Variants in CELSR1 observed in about 807,000 individuals in gnomAD.
The protein encoded by CELSR1 is adhesion G protein-coupled receptor C1.
Under a neutral mutation model 249.1 loss-of-function variants are expected in CELSR1, and 110 were observed. The ratio of observed to expected loss-of-function variants is 0.44; its 90% CI spans 0.38 to 0.52. CELSR1 has a LOEUF of 0.52. Among genes scored for constraint, CELSR1 ranks in the 20% least tolerant of loss-of-function variants. CELSR1 has a pLI of 0.00. For missense variants in CELSR1, 4,109 were observed against 4,296.4 expected (o/e 0.96, Z 1.22); for synonymous variants, 2,113 against 1,900.0 (o/e 1.11, Z -2.92).
At chr22:46,369,953 GC>G (rs1460678153) in intron 25 of CELSR1, 149 bp from the exon 26 acceptor site, 11 of 701,306 alleles carry the variant, frequency 1.6e-5, no homozygotes, top group Non-Finnish European at 2.3e-5. Context: ...CCAGCCCAGG[GC>G]CCCTCCAAGC....
chr22:46,492,865 C>A (rs184877615), intron 1 of CELSR1, among the ~76,000 whole-genome samples: 16 of 151,918 alleles, frequency 1.1e-4, no homozygotes, highest in East Asian at 3.9e-4. Flanking sequence ...CAGAAAAAAA[C>A]CAGGTTCTTG....
In CELSR1 at chr22:46,391,821, A is replaced by G; in HGVS notation, c.5965-5T>C. Reference sequence around the variant, plus strand: ...TAGGAGCTTGTAGTAATTCTCCTGCAAAAGCCAGAGGCAGGGCCTGTGACT... The same window carrying G: ...TAGGAGCTTGTAGTAATTCTCCTGCGAAAGCCAGAGGCAGGGCCTGTGACT... On this transcript the variant is annotated splice_region_variant and splice_polypyrimidine_tract_variant and intron_variant, in intron 14 of 34. Transcript: ENST00000674500. The surrounding 1 kb of genome is among the most constrained non-coding windows in gnomAD (Gnocchi z 4.3). The G allele has an allele frequency of 1.2e-6, 2 of 1,608,350 alleles. No individual in the cohort carries two copies. The highest frequency in any genetic ancestry group is 1.7e-6 in the Non-Finnish European group (2 of 1,178,640).
At chr22:46,459,445 T>A (rs1317938452) in intron 2 of CELSR1, among the ~76,000 whole-genome samples, 1 of 152,124 alleles carries the variant, frequency 6.6e-6, no homozygotes, top group African/African-American at 2.4e-5. Context: ...TTTCACAAAA[T>A]GCTGTTAAAC....
chr22:46,528,928 C>CAAAAT (rs139450136), intron 1 of CELSR1, among the ~76,000 whole-genome samples: 206 of 138,060 alleles, frequency 1.5e-3, no homozygotes, highest in East Asian at 5.2e-3. Flanking sequence ...GACTCTGTCT[C>CAAAAT]AAAATAAAAT....
intron 1 of CELSR1, among the ~76,000 whole-genome samples, chr22:46,524,639 C>T (rs575550750): frequency 1.3e-4 from 20 of 152,012 alleles, no homozygotes; most frequent in African/African-American, 4.3e-4. Context: ...AGAGAACAGG[C>T]GCTAGAGGGA....
chr22:46,364,770 G>A, intron 32 of CELSR1, 34 bp from the exon 33 acceptor site: 2 of 1,584,566 alleles, frequency 1.3e-6, no homozygotes, highest in South Asian at 1.1e-5. Context: ...GCAGGCAGCG[G>A]CACTGCCACT....
At chr22:46,470,527 A>C (rs922435267) in intron 1 of CELSR1, among the ~76,000 whole-genome samples, 4 of 152,088 alleles carry the variant, frequency 2.6e-5, no homozygotes, top group African/African-American at 9.7e-5. Flanking sequence ...AGAAAATAGC[A>C]TTAAATATTA....
At position 46,369,716 on chromosome 22, in the gene CELSR1, C is replaced by A; in HGVS notation, c.7848G>T (p.Ala2616=). 6.2e-7 allele frequency: 1 copy of A among 1,613,530 alleles called. No individual in the cohort carries two copies. Among genetic ancestry groups the A allele is most frequent in the South Asian group, 1.1e-5 (1 of 91,082 alleles). ...SLQDTLIWSF[A]GPIGAVIIIN... ...CGATTATAACAGCTCCGATGGGCCC[C>A]GCAAAGCTCCAAATCAGGGTGTCTT... Residue 2616 remains alanine (A), a synonymous_variant, in exon 26 of 35, where the codon GCG becomes GCT. Transcript: ENST00000674500.
rs894926087 is a variant in CELSR1, at chr22:46,434,209, T to C, written c.4523-728A>G. 3.9e-5 allele frequency among the ~76,000 whole-genome samples: 6 copies of C among 152,208 alleles called. No individual in the cohort carries two copies. Among genetic ancestry groups the C allele is most frequent in the African/African-American group, 1.2e-4 (5 of 41,440 alleles). ...CCACGTAACACGTCCCATCGTGAGG[T>C]CGCGGACGCGTCTCTTGTGCATCTC... is the stretch of plus-strand genomic sequence containing the variant. On this transcript the variant is annotated intron_variant, in intron 4 of 34. Coordinates refer to ENST00000674500, the MANE Select transcript of CELSR1 (RefSeq NM_001378328.1). The surrounding 1 kb of genome is among the most constrained non-coding windows in gnomAD (Gnocchi z 4.9).
chr22:46,413,869 C>A lies in CELSR1; in HGVS notation c.4612-2110G>T, dbSNP rs1013597470. Among the ~76,000 whole-genome samples the A allele has an allele frequency of 6.6e-6, 1 of 152,190 alleles. No individual in the cohort carries two copies. Among genetic ancestry groups the A allele is most frequent in the East Asian group, 1.9e-4 (1 of 5,198 alleles). ...GGAGAACCTCCCCTCACTTTGTGAG[C>A]CCCACCTTATCTTTACAACTTATAA... On this transcript the variant is annotated intron_variant, in intron 5 of 34. Transcript: ENST00000674500. The surrounding 1 kb of genome is among the most constrained non-coding windows in gnomAD (Gnocchi z 4.7).
chr22:46,406,915 A>G lies in CELSR1; in HGVS notation c.5226+2081T>C, dbSNP rs1343811831. On this transcript the variant is annotated intron_variant, in intron 9 of 34. Coordinates refer to ENST00000674500, the MANE Select transcript of CELSR1 (RefSeq NM_001378328.1). This position sits in a 1 kb window ranked among gnomAD's most constrained non-coding sequence, Gnocchi z 5.4. ...CAGAGCCCAACGGAGCAAAGGCAAT[A>G]AGGCATGGCTCCGCCACGGCACACA... 6.6e-6 allele frequency among the ~76,000 whole-genome samples: 1 copy of G among 152,226 alleles called. No individual in the cohort carries two copies. Among genetic ancestry groups the G allele is most frequent in the Non-Finnish European group, 1.5e-5 (1 of 68,034 alleles).
chr22:46,443,197 G>A lies in CELSR1; in HGVS notation c.4184-3786C>T, dbSNP rs555887082. Among the ~76,000 whole-genome samples, 39 of 152,320 alleles carry A rather than the reference G, an allele frequency of 2.6e-4. No homozygotes were observed. The East Asian group carries it at 6.8e-3, about 26-fold the overall frequency. On this transcript the variant is annotated intron_variant, in intron 2 of 34. Coordinates refer to ENST00000674500, the MANE Select transcript of CELSR1 (RefSeq NM_001378328.1). Reference sequence around the variant, plus strand: ...GAGAACGAGGAGGGCTGAAATCGCTGACGTTTTGCTGAATTTCATGAGCAT... The same window carrying A: ...GAGAACGAGGAGGGCTGAAATCGCTAACGTTTTGCTGAATTTCATGAGCAT...
rs1258537429 is a variant in CELSR1 at position 46,399,644 on chromosome 22, C to T, written c.5412+73G>A. The T allele has an allele frequency of 2.0e-6, 3 of 1,498,898 alleles. No homozygotes were observed. The highest frequency in any genetic ancestry group is 2.8e-6 in the Non-Finnish European group (3 of 1,083,920). 92.8% of individuals were successfully genotyped at this position (1,498,898 alleles called of 1,614,324 possible). A position where few individuals can be genotyped will look rare whatever the true frequency, so the allele number is the denominator to read the frequency against. ...AGGTCTCTGGTGGGTCCTGGCACGT[C>T]AAGGGGTCATTCTGTTTTTCCCTGG... On this transcript the variant is annotated intron_variant, in intron 10 of 34. Transcript: ENST00000674500. This position sits in a 1 kb window ranked among gnomAD's most constrained non-coding sequence, Gnocchi z 5.0.
intron 9 of CELSR1, among the ~76,000 whole-genome samples, chr22:46,405,096 A>G (rs2079250569): frequency 2.0e-5 from 3 of 148,176 alleles, no homozygotes; most frequent in Admixed American, 6.7e-5. Context: ...AAGTGCTGGG[A>G]TTACAGGCGT....
intron 9 of CELSR1, among the ~76,000 whole-genome samples, chr22:46,400,259 G>A (rs1165876530): frequency 1.3e-5 from 2 of 152,008 alleles, no homozygotes; most frequent in Admixed American, 1.3e-4. Flanking sequence ...AACCTGGGAG[G>A]TGGAGGTTGC....
chr22:46,369,724 T>C lies in CELSR1; in HGVS notation c.7840A>G (p.Ser2614Gly), dbSNP rs752454345. The change falls in exon 26 of 35, where the codon AGC becomes GGC. Residue 2614 changes from serine (S) to glycine (G), a missense_variant. Physicochemically the swap from Ser to Gly is moderately conservative, Grantham distance 56 (BLOSUM62 0). Transcript: ENST00000674500. ...ACAGCTCCGATGGGCCCCGCAAAGC[T>C]CCAAATCAGGGTGTCTTGAAGCGAC... Reference protein sequence around the residue: ...WLSLQDTLIWSFAGPIGAVII... With the variant: ...WLSLQDTLIWGFAGPIGAVII... The C allele has an allele frequency of 1.9e-6, 3 of 1,613,280 alleles. No individual in the cohort carries two copies. The highest frequency in any genetic ancestry group is 2.5e-6 in the Non-Finnish European group (3 of 1,179,960).
In CELSR1 at chr22:46,536,630, G is replaced by A. The variant is rs1463113933; in HGVS notation, c.541C>T (p.Leu181=). 2 of 1,170,128 alleles carry A rather than the reference G, an allele frequency of 1.7e-6. No homozygotes were observed. The highest frequency in any genetic ancestry group is 4.0e-5 in the East Asian group (1 of 25,044). 72.5% of individuals were successfully genotyped at this position (1,170,128 alleles called of 1,614,324 possible). A position where few individuals can be genotyped will look rare whatever the true frequency, so the allele number is the denominator to read the frequency against. The change falls in exon 1 of 35, where the codon CTG becomes TTG. Residue 181 remains leucine, a synonymous_variant. Transcript: ENST00000674500. ...CGCCGCAGGGCGCACAGCAGACGCAGGCGGACCGAGCCGCCCGGCGGCAGG... is the reference window on the plus strand; with the variant it reads ...CGCCGCAGGGCGCACAGCAGACGCAAGCGGACCGAGCCGCCCGGCGGCAGG... ...ICLPPGGSVR[L]RLLCALRRAA...
rs1425935028 is a variant in CELSR1, at chr22:46,395,537, C to T, written c.5843+1068G>A. ...CCACTCCCAGGGCACCTCCGCGGCG[C>T]TCTCCCTGGCATCACATCTTGCTGA... is the stretch of plus-strand genomic sequence containing the variant. On this transcript the variant is annotated intron_variant, in intron 13 of 34. Transcript: ENST00000674500. This position sits in a 1 kb window ranked among gnomAD's most constrained non-coding sequence, Gnocchi z 5.5. 1.3e-5 allele frequency among the ~76,000 whole-genome samples: 2 copies of T among 152,314 alleles called. No homozygotes were observed. Among genetic ancestry groups the T allele is most frequent in the South Asian group, 2.1e-4 (1 of 4,830 alleles).
chr22:46,432,412 C>T (rs1393282538), intron 5 of CELSR1, among the ~76,000 whole-genome samples: 1 of 152,188 alleles, frequency 6.6e-6, no homozygotes, highest in Non-Finnish European at 1.5e-5. Flanking sequence ...GTCTGCCAAC[C>T]AAGCTTAGGC....
Sources: allele counts gnomAD v4.1 joint callset (sites outside exome capture counted in the v4.1 genomes callset), GRCh38; gene constraint gnomAD v4.1.1; non-coding constraint Gnocchi (gnomAD v3.1); transcripts MANE v1.5; gene names NCBI Gene and HGNC (gene_info 2026-07-23, HGNC 2026-07-21).